CDC14B: variants seen among roughly 807,000 people sequenced by gnomAD.
CDC14B encodes cell division cycle 14B, also known as dual specificity protein phosphatase CDC14B.
A neutral mutation model predicts 64.2 loss-of-function variants in CDC14B; 22 were observed. The observed-to-expected ratio is 0.34, with a 90% CI of 0.24 to 0.49. The LOEUF is 0.49. Among genes scored for constraint, CDC14B ranks in the 20% least tolerant of loss-of-function variants. CDC14B has a pLI of 0.99. For synonymous variants in CDC14B, 191 were observed against 215.8 expected (o/e 0.89, Z 1.01); for missense variants, 498 against 629.9 (o/e 0.79, Z 2.24).
chr9:96,552,736 A>G (rs1246409073), intron 4 of CDC14B, among the ~76,000 whole-genome samples: 1 of 151,986 alleles, frequency 6.6e-6, no homozygotes, highest in Non-Finnish European at 1.5e-5. Flanking sequence ...CCTACCCCCT[A>G]TTACATTTGC....
At position 96,523,579 on chromosome 9, in the gene CDC14B, C is replaced by G. The variant is rs748146171; in HGVS notation, c.1085+8G>C. 6.2e-7 allele frequency: 1 copy of G among 1,614,172 alleles called. No individual in the cohort carries two copies. The highest frequency in any genetic ancestry group is 8.5e-7 in the Non-Finnish European group (1 of 1,180,032). ...CCCTGGGAACTACAGACGTAGGCTA[C>G]TACTTACATCACCAAAAACTGCTGC... On this transcript the variant is annotated splice_region_variant and intron_variant, in intron 10 of 13. Coordinates refer to ENST00000375241, the MANE Select transcript of CDC14B (RefSeq NM_033331.4).
intron 5 of CDC14B, among the ~76,000 whole-genome samples, 173 bp downstream of exon 5, chr9:96,551,623 C>T (rs976151323): frequency 1.3e-5 from 2 of 152,140 alleles, no homozygotes; most frequent in African/African-American, 4.8e-5. Context: ...CACAAGATAG[C>T]CTCCATGACA....
intron 1 of CDC14B, among the ~76,000 whole-genome samples, chr9:96,575,002 C>T (rs532366547): frequency 6.6e-6 from 1 of 152,286 alleles, no homozygotes; most frequent in African/African-American, 2.4e-5. Context: ...TCACTCTATA[C>T]CCTATGATGA....
chr9:96,526,157 G>A (rs966265270), intron 9 of CDC14B, among the ~76,000 whole-genome samples: 21 of 152,104 alleles, frequency 1.4e-4, no homozygotes, highest in Admixed American at 4.6e-4. Flanking sequence ...CATGAGGTCA[G>A]GAGATTGAGA....
At chr9:96,514,395 C>T in intron 12 of CDC14B, 1 of 983,630 alleles carries the variant, frequency 1.0e-6, no homozygotes, top group Non-Finnish European at 1.2e-6. Context: ...AAGAAAACAC[C>T]CAAAAGGTTA....
At chr9:96,520,930 A>G (rs961879672) in intron 12 of CDC14B, among the ~76,000 whole-genome samples, 1 of 152,068 alleles carries the variant, frequency 6.6e-6, no homozygotes, top group East Asian at 1.9e-4. Flanking sequence ...ATCCAGAATT[A>G]GTATCTGGAT....
chr9:96,616,239 T>C (rs904724027), intron 1 of CDC14B, among the ~76,000 whole-genome samples: 1 of 151,838 alleles, frequency 6.6e-6, no homozygotes, highest in Non-Finnish European at 1.5e-5. Context: ...GGCAGGAGAA[T>C]TGCTTGAACC....
intron 1 of CDC14B, chr9:96,567,058 C>T (rs926398904): frequency 2.8e-6 from 3 of 1,087,784 alleles, no homozygotes; most frequent in Admixed American, 3.1e-5. Context: ...GCACCCCGCC[C>T]CACCTCCCGC....
chr9:96,518,515 G>A (rs763931272), intron 12 of CDC14B, among the ~76,000 whole-genome samples: 3 of 151,796 alleles, frequency 2.0e-5, no homozygotes, highest in African/African-American at 4.8e-5. Flanking sequence ...ACTCTGTCTC[G>A]GGGAAAAAGA....
chr9:96,578,757 G>C (rs1844955498), intron 1 of CDC14B, among the ~76,000 whole-genome samples: 1 of 152,310 alleles, frequency 6.6e-6, no homozygotes, highest in African/African-American at 2.4e-5. Context: ...AAGGTTAATG[G>C]GAAAGCTGGT....
chr9:96,496,822 G>A (rs1357294901), downstream of CDC14B, among the ~76,000 whole-genome samples: 1 of 152,210 alleles, frequency 6.6e-6, no homozygotes, highest in Non-Finnish European at 1.5e-5. Flanking sequence ...GAGCACCGAG[G>A]CGGCTTCTCT....
intron 1 of CDC14B, among the ~76,000 whole-genome samples, chr9:96,597,532 T>C (rs1408905903): frequency 1.4e-5 from 2 of 147,510 alleles, no homozygotes; most frequent in Middle Eastern, 3.3e-3. Context: ...AAGAGAAACA[T>C]CTTTAAAGTA....
chr9:96,505,271 T>C (rs10820741), intron 13 of CDC14B, among the ~76,000 whole-genome samples: 38,842 of 151,594 alleles, frequency 0.26, 6,695 homozygotes, highest in African/African-American at 0.49. Flanking sequence ...TACAAAGCAC[T>C]CCAGAGCCCC....
intron 9 of CDC14B, among the ~76,000 whole-genome samples, chr9:96,526,526 G>T (rs147882269): frequency 2.4e-4 from 37 of 152,282 alleles, no homozygotes; most frequent in African/African-American, 8.9e-4. Context: ...AACTGTGAGA[G>T]AATTAACTTC....
At chr9:96,505,100 C>T (rs1833939126) in intron 13 of CDC14B, among the ~76,000 whole-genome samples, 1 of 151,732 alleles carries the variant, frequency 6.6e-6, no homozygotes, top group South Asian at 2.1e-4. Context: ...AGAATCACTT[C>T]AACCTGGGAG....
At chr9:96,511,335 G>A (rs1834877790) in intron 12 of CDC14B, among the ~76,000 whole-genome samples, 1 of 152,228 alleles carries the variant, frequency 6.6e-6, no homozygotes, top group Admixed American at 6.5e-5. Flanking sequence ...CACTTTGAGA[G>A]GCCGAGGTGG....
intron 4 of CDC14B, among the ~76,000 whole-genome samples, chr9:96,557,837 A>T (rs953914088): frequency 1.3e-5 from 2 of 152,246 alleles, no homozygotes; most frequent in Non-Finnish European, 2.9e-5. Flanking sequence ...ACATTAGAGG[A>T]AAGCAAATTT....
intron 13 of CDC14B, among the ~76,000 whole-genome samples, chr9:96,506,361 A>G (rs1025424291): frequency 6.6e-6 from 1 of 152,366 alleles, no homozygotes; most frequent in East Asian, 1.9e-4. Flanking sequence ...AATATTCAGT[A>G]GGATAAAAGC....
intron 6 of CDC14B, 50 bp downstream of exon 6, chr9:96,541,776 G>C: frequency 3.1e-6 from 4 of 1,296,618 alleles, no homozygotes; most frequent in Non-Finnish European, 4.3e-6. Context: ...TTCTTGGACC[G>C]CATGTTAGTT....
Sources: gnomAD v4.1 joint callset for allele counts (sites outside exome capture counted in the v4.1 genomes callset) on GRCh38, gnomAD v4.1.1 for gene constraint, MANE v1.5 for transcripts, NCBI Gene and HGNC (gene_info 2026-07-23, HGNC 2026-07-21) for gene names.